Variants in PDILT observed in about 807,000 individuals in gnomAD.
The protein encoded by PDILT is protein disulfide-isomerase-like protein of the testis.
A neutral mutation model predicts 53.7 loss-of-function variants in PDILT; 43 were observed. The observed-to-expected ratio is 0.80, with a 90% confidence interval of 0.63 to 1.03. PDILT has a LOEUF of 1.03. PDILT is among the 50% of genes least tolerant of loss of function. The probability of loss-of-function intolerance (pLI) is 0.00; values close to 1 mark genes in which losing one functional copy is unlikely to be tolerated. For missense variants in PDILT, 727 were observed against 712.3 expected (o/e 1.02, Z -0.24); for synonymous variants, 282 against 274.2 (o/e 1.03, Z -0.28).
intron 2 of PDILT, among the ~76,000 whole-genome samples, chr16:20,394,899 TG>T (rs1256542630): frequency 6.6e-6 from 1 of 152,220 alleles, no homozygotes; most frequent in African/African-American, 2.4e-5. Context: ...CAGACCCACC[TG>T]GGACTAAGAT....
chr16:20,380,553 G>T (rs1966448630), intron 3 of PDILT, among the ~76,000 whole-genome samples: 2 of 152,138 alleles, frequency 1.3e-5, no homozygotes, highest in Admixed American at 1.3e-4. Context: ...GGCCAAGCTG[G>T]TCTTGAACTC....
Position 20,384,886 on chromosome 16 carries a change from T to C in PDILT, c.203-35A>G, listed in dbSNP as rs768341656. On this transcript the variant is annotated intron_variant, in intron 2 of 11. Coordinates refer to ENST00000302451, the MANE Select transcript of PDILT (RefSeq NM_174924.2). Reference sequence around the variant, plus strand: ...TATGAAGACAAAATTTGAGAGGCCTTTCCTCGCTCCCCATCTCCAACAGTA... The same window carrying C: ...TATGAAGACAAAATTTGAGAGGCCTCTCCTCGCTCCCCATCTCCAACAGTA... 3.2e-6 allele frequency: 5 copies of C among 1,578,904 alleles called. No individual in the cohort carries two copies. In the South Asian group the frequency reaches 5.5e-5, roughly 17 times the overall value.
At chr16:20,394,931 T>C (rs1279489798) in intron 2 of PDILT, among the ~76,000 whole-genome samples, 1 of 152,206 alleles carries the variant, frequency 6.6e-6, no homozygotes, top group African/African-American at 2.4e-5. Context: ...CTTATGAACC[T>C]AGATTTGGTG....
intron 2 of PDILT, among the ~76,000 whole-genome samples, chr16:20,393,688 T>C (rs1465301592): frequency 1.3e-5 from 2 of 152,192 alleles, no homozygotes; most frequent in East Asian, 3.8e-4. Context: ...GAAGGAGCTT[T>C]GGAAGACCGA....
At chr16:20,376,292 C>T (rs113130869) in intron 3 of PDILT, 91 bp from the exon 4 acceptor site, 25 of 1,488,874 alleles carry the variant, frequency 1.7e-5, no homozygotes, top group African/African-American at 8.4e-5. Context: ...ATGCATAGAA[C>T]CTTCTTGTCT....
chr16:20,368,607 GGT>G (rs1966253634), intron 8 of PDILT, among the ~76,000 whole-genome samples: 1 of 110,078 alleles, frequency 9.1e-6, no homozygotes. Flanking sequence ...TTTTTGGGGG[GGT>G]GGTGCTGGAC....
chr16:20,379,076 T>C (rs1338398083), intron 3 of PDILT, among the ~76,000 whole-genome samples: 1 of 152,030 alleles, frequency 6.6e-6, no homozygotes, highest in Admixed American at 6.6e-5. Flanking sequence ...TGCAGTGGTG[T>C]AGTCGTGGCT....
chr16:20,383,763 G>T (rs1966493085), intron 3 of PDILT, among the ~76,000 whole-genome samples: 1 of 152,178 alleles, frequency 6.6e-6, no homozygotes, highest in Admixed American at 6.5e-5. Flanking sequence ...CTACTGGCAT[G>T]GCTGTTACAG....
intron 10 of PDILT, among the ~76,000 whole-genome samples, chr16:20,361,432 C>T (rs1273213586): frequency 1.3e-5 from 2 of 152,102 alleles, no homozygotes; most frequent in African/African-American, 4.8e-5. Flanking sequence ...ATCCAACTGC[C>T]TCAGGCTCCC....
intron 8 of PDILT, among the ~76,000 whole-genome samples, chr16:20,367,088 T>C (rs528859496): frequency 5.7e-4 from 63 of 110,788 alleles, no homozygotes; most frequent in Middle Eastern, 4.9e-3. Context: ...TCTTTCTTTC[T>C]TTCTTTCTTT....
intron 8 of PDILT, 80 bp from the exon 9 acceptor site, chr16:20,365,620 C>G: frequency 3.3e-6 from 5 of 1,518,366 alleles, no homozygotes; most frequent in Non-Finnish European, 4.5e-6. Context: ...GATTGGAAAC[C>G]ACTAAAGGTT....
chr16:20,378,638 G>A (rs948404747), intron 3 of PDILT, among the ~76,000 whole-genome samples: 2 of 152,068 alleles, frequency 1.3e-5, no homozygotes, highest in African/African-American at 4.8e-5. Flanking sequence ...AGGCCCCAAT[G>A]TGTGATGTTC....
rs528059448 is a variant in PDILT at position 20,367,024 on chromosome 16, C to CTTCTTTCT, written c.1117-1492_1117-1485dup. ...TCTTTATTTATTTCTCTCTCTCTTT[C>CTTCTTTCT]TTCTTTCTTTCTTTCTTTCTTTCTT... On this transcript the variant is annotated intron_variant, in intron 8 of 11. Transcript: ENST00000302451. Among the ~76,000 whole-genome samples, 301 of 76,150 alleles carry CTTCTTTCT rather than the reference C, an allele frequency of 4.0e-3. 5 individuals carry two copies. The highest frequency in any genetic ancestry group is 0.012 in the East Asian group (27 of 2,170). 50.0% of individuals were successfully genotyped at this position (76,150 alleles called of 152,430 possible).
At chr16:20,382,990 G>A (rs1290142792) in intron 3 of PDILT, among the ~76,000 whole-genome samples, 1 of 152,180 alleles carries the variant, frequency 6.6e-6, no homozygotes, top group East Asian at 1.9e-4. Context: ...AAACACAGAT[G>A]CTGTGAGGCC....
At chr16:20,369,750 G>T in intron 7 of PDILT, 61 bp from the exon 8 acceptor site, 2 of 1,549,288 alleles carry the variant, frequency 1.3e-6, no homozygotes, top group South Asian at 1.1e-5. Context: ...AAAAACTGCT[G>T]AAAGGCTGTG....
chr16:20,365,834 G>C (rs971993416), intron 8 of PDILT, among the ~76,000 whole-genome samples: 2 of 152,058 alleles, frequency 1.3e-5, no homozygotes, highest in African/African-American at 4.8e-5. Flanking sequence ...TATAATCACA[G>C]CACTTTGGGA....
At chr16:20,382,320 G>T (rs973888418) in intron 3 of PDILT, among the ~76,000 whole-genome samples, 1 of 152,338 alleles carries the variant, frequency 6.6e-6, no homozygotes, top group East Asian at 1.9e-4. Context: ...ATGTAAAGCG[G>T]ATTTCAACAT....
chr16:20,403,730 T>C (rs1966776831), intron 1 of PDILT, among the ~76,000 whole-genome samples: 1 of 152,176 alleles, frequency 6.6e-6, no homozygotes, highest in Non-Finnish European at 1.5e-5. Context: ...CTGTTCTCTG[T>C]GGTCTACCAG....
Position 20,365,447 on chromosome 16 carries a change from T to A in PDILT, c.1210A>T (p.Lys404Ter). ...AACATCACAAATACGTCCTTTTCTT[T>A]GTCAAAGACGACTACGTTGAAGTTC... ...GKNFNVVVFD[K>*]EKDVFVMFYA... is the part of the protein sequence containing the mutation. The change falls in exon 9 of 12, where the codon AAA (lysine) becomes TAA (stop). Residue 404 changes from lysine (K) to a stop codon, truncating the protein, a stop_gained. Coordinates refer to ENST00000302451, the MANE Select transcript of PDILT (RefSeq NM_174924.2). LOFTEE classifies it high-confidence loss of function. 6.2e-7 allele frequency: 1 copy of A among 1,614,084 alleles called. No homozygotes were observed. Among genetic ancestry groups the A allele is most frequent in the Non-Finnish European group, 8.5e-7 (1 of 1,179,902 alleles).
Sources: allele counts gnomAD v4.1 joint callset (sites outside exome capture counted in the v4.1 genomes callset), GRCh38; gene constraint gnomAD v4.1.1; transcripts MANE v1.5; gene names NCBI Gene and HGNC (gene_info 2026-07-23, HGNC 2026-07-21).